ALPL: variants seen among roughly 807,000 people sequenced by gnomAD.
ALPL encodes the protein alkaline phosphatase, biomineralization associated, also known as alkaline phosphatase, tissue-nonspecific isozyme.
In ALPL, 42 loss-of-function variants were observed where a neutral mutation model predicts 51.3. The ratio of observed to expected loss-of-function variants is 0.82; its 90% CI spans 0.64 to 1.06. ALPL has a LOEUF of 1.06. Among genes scored for constraint, ALPL ranks in the 50% least tolerant of loss-of-function variants. ALPL has a pLI of 0.00. For synonymous variants in ALPL, 279 were observed against 296.4 expected, an observed-to-expected ratio of 0.94 and a Z score of 0.60; for missense variants, 589 against 709.4, an observed-to-expected ratio of 0.83 and a Z score of 1.93.
chr1:21,530,262 G>A (rs1481802418), intron 1 of ALPL, among the ~76,000 whole-genome samples: 2 of 152,086 alleles, frequency 1.3e-5, no homozygotes, highest in Admixed American at 6.6e-5. Flanking sequence ...AGGCAATTAC[G>A]ATTTTTGCTT....
At chr1:21,543,280 A>G (rs12127343) in intron 1 of ALPL, among the ~76,000 whole-genome samples, 72,432 of 151,940 alleles carry the variant, frequency 0.48, 17,918 homozygotes, top group East Asian at 0.83. Flanking sequence ...GCATATAGTC[A>G]CATCCCTCCA....
At chr1:21,530,193 C>T (rs750747847) in intron 1 of ALPL, among the ~76,000 whole-genome samples, 26 of 152,138 alleles carry the variant, frequency 1.7e-4, no homozygotes, top group Non-Finnish European at 3.2e-4. Context: ...ACGTATGGCT[C>T]CTGGATCCTC....
chr1:21,562,578 G>C (rs1644499095), intron 4 of ALPL, among the ~76,000 whole-genome samples: 1 of 152,054 alleles, frequency 6.6e-6, no homozygotes, highest in African/African-American at 2.4e-5. Flanking sequence ...AAATAGTTTT[G>C]GGGTCTCTGC....
rs914456845 is a variant in ALPL at position 21,564,299 on chromosome 1, G to A, written c.648+83G>A. 7.0e-5 allele frequency: 109 copies of A among 1,549,324 alleles called. No individual in the cohort carries two copies. Among genetic ancestry groups the A allele is most frequent in the Admixed American group, 6.9e-5 (4 of 57,918 alleles). ...GGAGGCCTCAGGCCCAGGCTGGCCC[G>A]GAGAAAGCAGCCTGGCCTGGCTCCC... On this transcript the variant is annotated intron_variant, in intron 6 of 11. Coordinates refer to ENST00000374840, the MANE Select transcript of ALPL (RefSeq NM_000478.6). This position sits in a 1 kb window ranked among gnomAD's most constrained non-coding sequence, Gnocchi z 5.8.
chr1:21,521,823 C>T (rs960606319), intron 1 of ALPL, among the ~76,000 whole-genome samples: 4 of 152,176 alleles, frequency 2.6e-5, no homozygotes, highest in African/African-American at 9.7e-5. Flanking sequence ...CAATCCCAAA[C>T]AGCCTTAATT....
chr1:21,569,309 A>G (rs3767145), intron 7 of ALPL, among the ~76,000 whole-genome samples: 28,538 of 152,116 alleles, frequency 0.19, 3,252 homozygotes, highest in East Asian at 0.45. Context: ...TTACCCAGGA[A>G]CTCGGTCTAG....
chr1:21,560,672 A>C lies in ALPL; in HGVS notation c.108A>C (p.Thr36=), dbSNP rs1308077007. 1.1e-5 allele frequency: 18 copies of C among 1,614,178 alleles called. No individual in the cohort carries two copies. Among genetic ancestry groups the C allele is most frequent in the Non-Finnish European group, 1.5e-5 (18 of 1,180,030 alleles). Reference sequence around the variant, plus strand: ...ACTGGCGAGACCAAGCGCAAGAGACACTGAAATATGCCCTGGAGCTTCAGA... The same window carrying C: ...ACTGGCGAGACCAAGCGCAAGAGACCCTGAAATATGCCCTGGAGCTTCAGA... ...PKYWRDQAQE[T]LKYALELQKL... The change falls in exon 3 of 12, where the codon ACA becomes ACC. Residue 36 remains threonine (T), a synonymous_variant. Transcript: ENST00000374840.
intron 1 of ALPL, among the ~76,000 whole-genome samples, chr1:21,545,405 C>A (rs1644241578): frequency 6.6e-6 from 1 of 152,156 alleles, no homozygotes. Flanking sequence ...ATTCTCCTGC[C>A]TCAGCCACCC....
intron 11 of ALPL, 133 bp downstream of exon 11, chr1:21,576,774 T>G (rs1644743583): frequency 8.0e-7 from 1 of 1,255,950 alleles, no homozygotes; most frequent in Admixed American, 2.0e-5. Flanking sequence ...GTTTGATTGT[T>G]GAGTCCCAGG....
At chr1:21,575,393 T>TC (rs1307363990) in intron 9 of ALPL, among the ~76,000 whole-genome samples, 3 of 152,124 alleles carry the variant, frequency 2.0e-5, no homozygotes, top group Non-Finnish European at 4.4e-5. Flanking sequence ...CTTCCCTACC[T>TC]CCCAAAGGCT....
intron 1 of ALPL, among the ~76,000 whole-genome samples, chr1:21,541,802 TG>T (rs1420423982): frequency 6.6e-6 from 1 of 152,120 alleles, no homozygotes; most frequent in Non-Finnish European, 1.5e-5. Flanking sequence ...GTGTTGAGGC[TG>T]GGAGCGCTCA....
At chr1:21,563,390 G>A (rs998558441) in intron 5 of ALPL, 106 bp downstream of exon 5, 54 of 1,358,640 alleles carry the variant, frequency 4.0e-5, no homozygotes, top group Non-Finnish European at 5.1e-5. Context: ...TTCTCTGTGG[G>A]GCTCCCAGCT....
chr1:21,538,939 T>G (rs953895673), intron 1 of ALPL, among the ~76,000 whole-genome samples: 1 of 152,176 alleles, frequency 6.6e-6, no homozygotes, highest in Non-Finnish European at 1.5e-5. Context: ...AAGTTATGAT[T>G]ATAGGAAGCC....
chr1:21,516,404 C>T (rs1421180944), intron 1 of ALPL, among the ~76,000 whole-genome samples: 2 of 150,076 alleles, frequency 1.3e-5, no homozygotes, highest in Non-Finnish European at 3.0e-5. Context: ...TGCCATGCCA[C>T]TACTAACTAA....
chr1:21,540,796 C>T (rs980630877), intron 1 of ALPL, among the ~76,000 whole-genome samples: 1 of 152,168 alleles, frequency 6.6e-6, no homozygotes, highest in Admixed American at 6.5e-5. Context: ...TCGACCCACC[C>T]CCACGGACAC....
At chr1:21,573,032 C>T (rs1201620862) in intron 8 of ALPL, among the ~76,000 whole-genome samples, 1 of 152,260 alleles carries the variant, frequency 6.6e-6, no homozygotes, top group Non-Finnish European at 1.5e-5. Context: ...AGATCTGCCA[C>T]TTCTCAGCTG....
At chr1:21,554,825 CTT>C (rs1289914230) in intron 2 of ALPL, among the ~76,000 whole-genome samples, 4 of 113,450 alleles carry the variant, frequency 3.5e-5, no homozygotes, top group Admixed American at 9.3e-5. Flanking sequence ...GTCTTTCTTT[CTT>C]TCTTTCTTTC....
rs1570251853 is a variant in ALPL at position 21,554,033 on chromosome 1, T to C, written c.-49T>C. 4 of 933,972 alleles carry C rather than the reference T, an allele frequency of 4.3e-6. No individual in the cohort carries two copies. The highest frequency in any genetic ancestry group is 3.6e-5 in the East Asian group (1 of 27,494). The allele number at this position is 933,972 out of a possible 1,614,324, so 57.9% of individuals were successfully genotyped here. ...GCCAGCCCACCCCCTCCCACCCACG[T>C]CGATTGCATCTCTGGGCTCCAGGGA... On this transcript the variant is annotated 5_prime_UTR_variant, in exon 2 of 12. Transcript: ENST00000374840.
At chr1:21,559,318 T>A (rs1220628993) in intron 2 of ALPL, among the ~76,000 whole-genome samples, 1 of 152,080 alleles carries the variant, frequency 6.6e-6, no homozygotes, top group Non-Finnish European at 1.5e-5. Context: ...ATAGCCAGGG[T>A]CCTGGTCCAG....
Sources: gnomAD v4.1 joint callset for allele counts (sites outside exome capture counted in the v4.1 genomes callset) on GRCh38, gnomAD v4.1.1 for gene constraint, Gnocchi (gnomAD v3.1) non-coding constraint, MANE v1.5 for transcripts, NCBI Gene and HGNC (gene_info 2026-07-23, HGNC 2026-07-21) for gene names.